The following CTNNA2 variants were observed in gnomAD, a reference collection of about 807,000 sequenced individuals.
The protein encoded by CTNNA2 is catenin alpha-2.
In CTNNA2, 42 loss-of-function variants were observed where a neutral mutation model predicts 101.0. The observed-to-expected ratio is 0.42, with a 90% confidence interval of 0.32 to 0.54. CTNNA2 has a LOEUF of 0.54. CTNNA2 is among the 20% of genes least tolerant of loss of function. CTNNA2 has a pLI of 0.14. For missense variants in CTNNA2, 871 were observed against 1,223.1 expected (o/e 0.71, Z 4.29); for synonymous variants, 450 against 456.4 (o/e 0.99, Z 0.18).
chr2:79,371,911 T>A (rs918879966), intron 3 of CTNNA2, among the ~76,000 whole-genome samples: 1 of 152,134 alleles, frequency 6.6e-6, no homozygotes, highest in Non-Finnish European at 1.5e-5. Context: ...ATAAGCACTG[T>A]ACATTTAATC....
In CTNNA2 at chr2:80,633,810, G is replaced by C. The variant is rs1672554305; in HGVS notation, c.2575-13775G>C. 2.6e-5 allele frequency among the ~76,000 whole-genome samples: 4 copies of C among 152,182 alleles called. No homozygotes were observed. In the South Asian group the frequency reaches 8.3e-4, roughly 32 times the overall value. Reference sequence around the variant, plus strand: ...ATAATTCTGTGCCTCTTAGATGCTGGTGCTATTAATGGAGGAGATGGTTTT... The same window carrying C: ...ATAATTCTGTGCCTCTTAGATGCTGCTGCTATTAATGGAGGAGATGGTTTT... On this transcript the variant is annotated intron_variant, in intron 18 of 18. Transcript: ENST00000402739.
At chr2:80,536,674 C>G (rs1168692452) in intron 9 of CTNNA2, among the ~76,000 whole-genome samples, 1 of 152,152 alleles carries the variant, frequency 6.6e-6, no homozygotes. Flanking sequence ...GAGTTAAATG[C>G]CTAAATACTT....
intron 1 of CTNNA2, among the ~76,000 whole-genome samples, chr2:79,618,481 G>A (rs1002488044): frequency 6.6e-6 from 1 of 152,012 alleles, no homozygotes. Context: ...GGGAGGTTTA[G>A]TTCACTGATG....
chr2:80,075,734 A>G (rs1427872674), intron 7 of CTNNA2, among the ~76,000 whole-genome samples: 1 of 125,190 alleles, frequency 8.0e-6, no homozygotes, highest in Non-Finnish European at 1.6e-5. Context: ...TTATACTTGT[A>G]TAAATATTAT....
intron 7 of CTNNA2, among the ~76,000 whole-genome samples, chr2:80,236,399 T>C (rs1709551859): frequency 6.6e-6 from 1 of 152,190 alleles, no homozygotes; most frequent in African/African-American, 2.4e-5. Flanking sequence ...TCAAGAGAGT[T>C]GACGTTATTG....
intron 7 of CTNNA2, among the ~76,000 whole-genome samples, chr2:79,962,277 T>TAGTG (rs1689694409): frequency 6.6e-6 from 1 of 152,248 alleles, no homozygotes; most frequent in African/African-American, 2.4e-5. Context: ...TCCTCATAGA[T>TAGTG]AGTGCCTTCT....
intron 9 of CTNNA2, among the ~76,000 whole-genome samples, chr2:80,503,112 G>A (rs1319836444): frequency 6.6e-6 from 1 of 152,076 alleles, no homozygotes; most frequent in Non-Finnish European, 1.5e-5. Context: ...GGTGGAGGCT[G>A]CACTCAGCCA....
chr2:80,345,841 C>A (rs1672684341), intron 7 of CTNNA2, among the ~76,000 whole-genome samples: 1 of 152,074 alleles, frequency 6.6e-6, no homozygotes, highest in African/African-American at 2.4e-5. Context: ...AGGATGTTTT[C>A]CACACCCAAG....
At chr2:80,374,747 A>G (rs1419195417) in intron 7 of CTNNA2, among the ~76,000 whole-genome samples, 2 of 150,708 alleles carry the variant, frequency 1.3e-5, no homozygotes, top group African/African-American at 4.9e-5. Context: ...TACCAGTCAT[A>G]TTGGATTAGG....
At chr2:80,558,267 C>A (rs3755098) in intron 12 of CTNNA2, among the ~76,000 whole-genome samples, 2 of 152,188 alleles carry the variant, frequency 1.3e-5, no homozygotes, top group Non-Finnish European at 2.9e-5. Context: ...AATAATGTTA[C>A]TATTTTGTGA....
rs553533292 is a variant in CTNNA2, at chr2:79,450,506, G to T, written c.-134-54548G>T. ...CATTTTGAGTTTTAGAGATTATATA[G>T]TATAAAACTGTTCCATAAGATAGAA... On this transcript the variant is annotated intron_variant, in intron 4 of 21. Transcript: ENST00000466387. Among the ~76,000 whole-genome samples, 15 of 152,126 alleles carry T rather than the reference G, an allele frequency of 9.9e-5. No individual in the cohort carries two copies. The East Asian group carries it at 1.7e-3, about 18-fold the overall frequency.
At chr2:79,979,495 A>G (rs1691107471) in intron 7 of CTNNA2, among the ~76,000 whole-genome samples, 2 of 152,164 alleles carry the variant, frequency 1.3e-5, no homozygotes, top group Admixed American at 1.3e-4. Flanking sequence ...TGGTTGCTTT[A>G]CATATTGGGG....
intron 2 of CTNNA2, among the ~76,000 whole-genome samples, chr2:79,657,592 A>G (rs1444427146): frequency 6.6e-6 from 1 of 151,834 alleles, no homozygotes; most frequent in African/African-American, 2.4e-5. Context: ...CATAATTTTA[A>G]CATTAAAAGT....
chr2:79,989,127 A>T (rs1327820649), intron 7 of CTNNA2, among the ~76,000 whole-genome samples: 2 of 152,206 alleles, frequency 1.3e-5, no homozygotes, highest in African/African-American at 4.8e-5. Context: ...TTATGAATTA[A>T]AATATGCACT....
chr2:79,544,480 C>G (rs1473216473), intron 1 of CTNNA2, among the ~76,000 whole-genome samples: 2 of 152,092 alleles, frequency 1.3e-5, no homozygotes, highest in Non-Finnish European at 2.9e-5. Context: ...GGTAACTATA[C>G]CAGTTCCTAG....
chr2:80,336,866 A>T (rs1277661447), intron 7 of CTNNA2, among the ~76,000 whole-genome samples: 1 of 152,222 alleles, frequency 6.6e-6, no homozygotes, highest in Admixed American at 6.5e-5. Context: ...CTCAAAGTCA[A>T]GGAAATGCAC....
At chr2:79,714,584 T>A (rs1475145249) in intron 2 of CTNNA2, among the ~76,000 whole-genome samples, 1 of 151,796 alleles carries the variant, frequency 6.6e-6, no homozygotes, top group African/African-American at 2.4e-5. Flanking sequence ...ATGCCCAATC[T>A]TTCACCCAGC....
At chr2:79,394,196 T>TTTTGTTTG (rs147993580) in intron 4 of CTNNA2, among the ~76,000 whole-genome samples, 2,293 of 152,276 alleles carry the variant, frequency 0.015, 64 homozygotes, top group African/African-American at 0.052. Context: ...GTTTGTTTCT[T>TTTTGTTTG]TTTGTTTGTT....
At chr2:79,880,945 T>C (rs1169363962) in intron 6 of CTNNA2, among the ~76,000 whole-genome samples, 1 of 152,218 alleles carries the variant, frequency 6.6e-6, no homozygotes, top group African/African-American at 2.4e-5. Context: ...AGCTCTCTGA[T>C]GTGGGCATTT....
Sources: allele counts gnomAD v4.1 joint callset (sites outside exome capture counted in the v4.1 genomes callset), GRCh38; gene constraint gnomAD v4.1.1; transcripts MANE v1.5; gene names NCBI Gene and HGNC (gene_info 2026-07-23, HGNC 2026-07-21).